The following PCDHB8 variants were observed in gnomAD, a reference collection of about 807,000 sequenced individuals.
The protein encoded by PCDHB8 is protocadherin beta-8.
For missense variants in PCDHB8, 836 were observed against 1,004.0 expected (o/e 0.83, Z 2.26); for synonymous variants, 385 against 448.5 (o/e 0.86, Z 1.79).
rs1262748783 is a variant in PCDHB8 at position 141,177,952 on chromosome 5, T to A, written c.-83T>A. 6.2e-7 allele frequency: 1 copy of A among 1,601,560 alleles called. No homozygotes were observed. The highest frequency in any genetic ancestry group is 8.5e-7 in the Non-Finnish European group (1 of 1,172,534). On this transcript the variant is annotated 5_prime_UTR_variant, in exon 1 of 1. Coordinates refer to ENST00000239444, the MANE Select transcript of PCDHB8 (RefSeq NM_019120.5). The stretch of plus-strand genomic sequence containing the variant: ...CTCACTGGCATATTTCTGAGGTATC[T>A]GTAGAAAACCACAGCCTCAGATACT...
In PCDHB8 at chr5:141,178,933, G is replaced by A. The variant is rs1449090542; in HGVS notation, c.899G>A (p.Gly300Glu). The change falls in exon 1 of 1, where the codon GGA becomes GAA. Residue 300 changes from glycine to glutamate, a missense_variant. Transcript: ENST00000239444. ...SKTFKVDFLT[G>E]EIRLKKQLDF... ...ACTTTTAAGGTCGATTTCTTGACAG[G>A]AGAAATTCGACTAAAGAAACAACTT... is the stretch of plus-strand genomic sequence containing the variant. 2.5e-6 allele frequency: 4 copies of A among 1,614,240 alleles called. No individual in the cohort carries two copies. Among genetic ancestry groups the A allele is most frequent in the African/African-American group, 1.3e-5 (1 of 75,052 alleles).
rs1554281050 is a variant in PCDHB8, at chr5:141,178,931, A to G, written c.897A>G (p.Thr299=). The G allele has an allele frequency of 3.1e-6, 5 of 1,614,138 alleles. No individual in the cohort carries two copies. The highest frequency in any genetic ancestry group is 1.3e-5 in the African/African-American group (1 of 74,944). ...AAACTTTTAAGGTCGATTTCTTGAC[A>G]GGAGAAATTCGACTAAAGAAACAAC... ...ISKTFKVDFL[T]GEIRLKKQLD... Residue 299 remains threonine, a synonymous_variant, in exon 1 of 1, where the codon ACA becomes ACG. Coordinates refer to ENST00000239444, the MANE Select transcript of PCDHB8 (RefSeq NM_019120.5).
In PCDHB8 at chr5:141,179,126, T is replaced by G; in HGVS notation, c.1092T>G (p.Thr364=). Residue 364 remains threonine (T), a synonymous_variant, in exon 1 of 1, where the codon ACT becomes ACG. Coordinates refer to ENST00000239444, the MANE Select transcript of PCDHB8 (RefSeq NM_019120.5). ...TSPIPENAPE[T]VVALFSVSDL... ...CAATACCTGAGAATGCGCCTGAAACTGTGGTTGCACTTTTCAGTGTTTCAG... is the reference window on the plus strand; with the variant it reads ...CAATACCTGAGAATGCGCCTGAAACGGTGGTTGCACTTTTCAGTGTTTCAG... 1 of 1,614,224 alleles carries G rather than the reference T, an allele frequency of 6.2e-7. No individual in the cohort carries two copies. Among genetic ancestry groups the G allele is most frequent in the South Asian group, 1.1e-5 (1 of 91,084 alleles).
Position 141,178,967 on chromosome 5 carries a change from A to G in PCDHB8, c.933A>G (p.Glu311=). Residue 311 remains glutamate (E), a synonymous_variant, in exon 1 of 1, where the codon GAA becomes GAG. Coordinates refer to ENST00000239444, the MANE Select transcript of PCDHB8 (RefSeq NM_019120.5). The part of the protein sequence containing the change: ...EIRLKKQLDF[E]KFQSYEVNIE... The stretch of plus-strand genomic sequence containing the variant: ...GACTAAAGAAACAACTTGATTTCGA[A>G]AAATTTCAGTCCTATGAAGTCAATA... 6 of 1,614,246 alleles carry G rather than the reference A, an allele frequency of 3.7e-6. No individual in the cohort carries two copies. Among genetic ancestry groups the G allele is most frequent in the Non-Finnish European group, 4.2e-6 (5 of 1,180,048 alleles).
chr5:141,178,857 A>G lies in PCDHB8; in HGVS notation c.823A>G (p.Asn275Asp). Residue 275 changes from asparagine to aspartate, a missense_variant, in exon 1 of 1, where the codon AAC becomes GAC. Transcript: ENST00000239444. The part of the protein sequence containing the change: ...VSATDVDTGV[N>D]GEISYSLFQA... ...TGCCACGGATGTAGACACAGGAGTC[A>G]ACGGAGAGATTTCCTATTCACTTTT... 1 of 1,614,284 alleles carries G rather than the reference A, an allele frequency of 6.2e-7. No homozygotes were observed. The highest frequency in any genetic ancestry group is 8.5e-7 in the Non-Finnish European group (1 of 1,180,056).
At position 141,179,787 on chromosome 5, in the gene PCDHB8, T is replaced by C. The variant is rs782024596; in HGVS notation, c.1753T>C (p.Tyr585His). 2 of 1,610,658 alleles carry C rather than the reference T, an allele frequency of 1.2e-6. No homozygotes were observed. The highest frequency in any genetic ancestry group is 2.7e-5 in the African/African-American group (2 of 74,872). Residue 585 changes from tyrosine to histidine, a missense_variant, in exon 1 of 1, where the codon TAC becomes CAC. Transcript: ENST00000239444. ...GGTGCCCCGGGCGGCCGAGCCGGGC[T>C]ACCTGGTGACCAAGGTGGTGGCGGT... ...ELVPRAAEPGYLVTKVVAVDG... is the reference protein window; with the variant it reads ...ELVPRAAEPGHLVTKVVAVDG...
In PCDHB8 at chr5:141,178,641, C is replaced by T. The variant is rs1753443323; in HGVS notation, c.607C>T (p.Arg203Ter). The change falls in exon 1 of 1, where the codon CGA (arginine) becomes TGA (stop). Residue 203 changes from arginine (R) to a stop codon, truncating the protein, a stop_gained. Coordinates refer to ENST00000239444, the MANE Select transcript of PCDHB8 (RefSeq NM_019120.5). LOFTEE classifies it low-confidence loss of function (END_TRUNC). Reference protein sequence around the residue: ...PELVLDKALDREEEAELRLTL... With the variant: ...PELVLDKALD ...GCTGGTGCTGGACAAAGCGCTGGAC[C>T]GAGAGGAAGAAGCTGAGCTCAGGTT... 3.1e-6 allele frequency: 5 copies of T among 1,612,916 alleles called. No individual in the cohort carries two copies. The highest frequency in any genetic ancestry group is 2.2e-5 in the East Asian group (1 of 44,750).
chr5:141,179,981 C>T lies in PCDHB8; in HGVS notation c.1947C>T (p.Gly649=). ...TGGTGGTGCTGGTCAAGGACAATGG[C>T]GAGCCTCCGTGCTCGGCCACCGCCA... is the stretch of plus-strand genomic sequence containing the variant. ...QRLVVLVKDN[G]EPPCSATATL... Residue 649 remains glycine, a synonymous_variant, in exon 1 of 1, where the codon GGC becomes GGT. Coordinates refer to ENST00000239444, the MANE Select transcript of PCDHB8 (RefSeq NM_019120.5). 1.9e-6 allele frequency: 3 copies of T among 1,608,576 alleles called. No homozygotes were observed. Among genetic ancestry groups the T allele is most frequent in the Non-Finnish European group, 2.5e-6 (3 of 1,179,692 alleles).
rs35245446 is a variant in PCDHB8, at chr5:141,180,310, G to A, written c.2276G>A (p.Gly759Asp). The A allele has an allele frequency of 6.2e-7, 1 of 1,613,920 alleles. No homozygotes were observed. The highest frequency in any genetic ancestry group is 8.5e-7 in the Non-Finnish European group (1 of 1,179,980). Residue 759 changes from glycine to aspartate, a missense_variant, in exon 1 of 1, where the codon GGC (glycine) becomes GAC (aspartate). Coordinates refer to ENST00000239444, the MANE Select transcript of PCDHB8 (RefSeq NM_019120.5). ...NYQYEVCLAGGSGTNEFQLLK... is the reference protein window; with the variant it reads ...NYQYEVCLAGDSGTNEFQLLK... ...CAGTACGAGGTGTGCCTGGCAGGAG[G>A]CTCAGGGACGAATGAGTTCCAGCTC...
At position 141,180,080 on chromosome 5, in the gene PCDHB8, C is replaced by G. The variant is rs782704020; in HGVS notation, c.2046C>G (p.Gly682=). The change falls in exon 1 of 1, where the codon GGC becomes GGG. Residue 682 remains glycine (G), a synonymous_variant. Coordinates refer to ENST00000239444, the MANE Select transcript of PCDHB8 (RefSeq NM_019120.5). ...TTCCGGAGGCTGCCCCAGCCCAGGG[C>G]CAGGCCGACTCTCTCACCGTCTACC... ...LPLPEAAPAQ[G]QADSLTVYLV... 1 of 1,609,972 alleles carries G rather than the reference C, an allele frequency of 6.2e-7. No individual in the cohort carries two copies.
In PCDHB8 at chr5:141,178,489, C is replaced by T. The variant is rs17844484; in HGVS notation, c.455C>T (p.Ala152Val). 43 of 1,614,136 alleles carry T rather than the reference C, an allele frequency of 2.7e-5. No homozygotes were observed. The East Asian group carries it at 9.6e-4, about 36-fold the overall frequency. ...KVSESSPPGT[A>V]FPLKNAEDLD... ...TCAGAGAGCAGTCCTCCTGGGACTGCGTTTCCTCTGAAGAATGCTGAAGAC... is the reference window on the plus strand; with the variant it reads ...TCAGAGAGCAGTCCTCCTGGGACTGTGTTTCCTCTGAAGAATGCTGAAGAC... The change falls in exon 1 of 1, where the codon GCG becomes GTG. Residue 152 changes from alanine (A) to valine (V), a missense_variant. By Grantham distance (64) the Ala-to-Val change is moderately conservative. Transcript: ENST00000239444.
Position 141,180,332 on chromosome 5 carries a change from G to A in PCDHB8, c.2298G>A (p.Gln766=). Residue 766 remains glutamine, a synonymous_variant, in exon 1 of 1, where the codon CAG becomes CAA. Transcript: ENST00000239444. The part of the protein sequence containing the change: ...LAGGSGTNEF[Q]LLKPVLPNIQ... ...GAGGCTCAGGGACGAATGAGTTCCA[G>A]CTCCTGAAACCAGTATTACCTAATA... The A allele has an allele frequency of 6.2e-7, 1 of 1,614,070 alleles. No individual in the cohort carries two copies. Among genetic ancestry groups the A allele is most frequent in the Non-Finnish European group, 8.5e-7 (1 of 1,179,964 alleles).
rs1554281682 is a variant in PCDHB8, at chr5:141,180,282, T to G, written c.2248T>G (p.Tyr750Asp). The G allele has an allele frequency of 6.2e-7, 1 of 1,613,976 alleles. No homozygotes were observed. Among genetic ancestry groups the G allele is most frequent in the South Asian group, 1.1e-5 (1 of 91,060 alleles). ...GGGCACCGGGAGCCTGTCTCAGAAC[T>G]ATCAGTACGAGGTGTGCCTGGCAGG... Reference protein sequence around the residue: ...VRGTGSLSQNYQYEVCLAGGS... With the variant: ...VRGTGSLSQNDQYEVCLAGGS... The change falls in exon 1 of 1, where the codon TAT (tyrosine) becomes GAT (aspartate). Residue 750 changes from tyrosine (Y) to aspartate (D), a missense_variant. By Grantham distance (160) the Tyr-to-Asp change is radical. Transcript: ENST00000239444.
chr5:141,179,020 C>G lies in PCDHB8; in HGVS notation c.986C>G (p.Ser329Cys). ...GAGGCGAGAGATGCTGGAGGCTTTT[C>G]TGGAAAATGCACCGTTCTGATTCAA... ...NIEARDAGGF[S>C]GKCTVLIQVI... The change falls in exon 1 of 1, where the codon TCT (serine) becomes TGT (cysteine). Residue 329 changes from serine to cysteine, a missense_variant. Transcript: ENST00000239444. 6.2e-7 allele frequency: 1 copy of G among 1,614,220 alleles called. No homozygotes were observed. The highest frequency in any genetic ancestry group is 1.3e-5 in the African/African-American group (1 of 75,054).
In PCDHB8 at chr5:141,178,425, T is replaced by C. The variant is rs782139225; in HGVS notation, c.391T>C (p.Ser131Pro). ...GCAAGTAATAGACATAAACGACCACTCTCCAGTATTTCTGGACAAACAAAT... is the reference window on the plus strand; with the variant it reads ...GCAAGTAATAGACATAAACGACCACCCTCCAGTATTTCTGGACAAACAAAT... ...ELQVIDINDH[S>P]PVFLDKQMLV... Residue 131 changes from serine to proline, a missense_variant, in exon 1 of 1, where the codon TCT (serine) becomes CCT (proline). Physicochemically the swap from Ser to Pro is moderately conservative, Grantham distance 74. Coordinates refer to ENST00000239444, the MANE Select transcript of PCDHB8 (RefSeq NM_019120.5). 13 of 1,612,338 alleles carry C rather than the reference T, an allele frequency of 8.1e-6. No individual in the cohort carries two copies. Among genetic ancestry groups the C allele is most frequent in the Non-Finnish European group, 1.0e-5 (12 of 1,178,994 alleles).
chr5:141,179,422 A>G lies in PCDHB8; in HGVS notation c.1388A>G (p.Glu463Gly). 2 of 1,614,174 alleles carry G rather than the reference A, an allele frequency of 1.2e-6. No individual in the cohort carries two copies. Among genetic ancestry groups the G allele is most frequent in the Non-Finnish European group, 8.5e-7 (1 of 1,180,042 alleles). Residue 463 changes from glutamate to glycine, a missense_variant, in exon 1 of 1, where the codon GAG (glutamate) becomes GGG (glycine). Glu to Gly is a moderately conservative substitution (Grantham distance 98). Coordinates refer to ENST00000239444, the MANE Select transcript of PCDHB8 (RefSeq NM_019120.5). ...TQTSYTLFVR[E>G]NNSPALHIGS... is the part of the protein sequence containing the mutation. ...ACCTCCTACACCCTGTTCGTCCGCG[A>G]GAACAACAGCCCCGCCCTGCACATC...
chr5:141,178,808 A>T lies in PCDHB8; in HGVS notation c.774A>T (p.Ile258=). The T allele has an allele frequency of 6.8e-6, 11 of 1,614,136 alleles. No individual in the cohort carries two copies. Among genetic ancestry groups the T allele is most frequent in the Non-Finnish European group, 9.3e-6 (11 of 1,180,026 alleles). Residue 258 remains isoleucine (I), a synonymous_variant, in exon 1 of 1, where the codon ATA becomes ATT. Coordinates refer to ENST00000239444, the MANE Select transcript of PCDHB8 (RefSeq NM_019120.5). ...TGCAGATCTCTGAGGACAGTCCAAT[A>T]AGCTTCCTGGTTGTGAAGGTCTCTG... ...YRVQISEDSP[I]SFLVVKVSAT...
Position 141,179,297 on chromosome 5 carries a change from T to A in PCDHB8, c.1263T>A (p.Thr421=), listed in dbSNP as rs782163599. The A allele has an allele frequency of 1.2e-6, 2 of 1,614,204 alleles. No individual in the cohort carries two copies. Among genetic ancestry groups the A allele is most frequent in the Non-Finnish European group, 1.7e-6 (2 of 1,180,026 alleles). The stretch of plus-strand genomic sequence containing the variant: ...AAAGCAGAGCCGAGTACAACGTCAC[T>A]ATCACCGTCACTGACTTAGGGACAC... ...DRESRAEYNV[T]ITVTDLGTPR... Residue 421 remains threonine, a synonymous_variant, in exon 1 of 1, where the codon ACT becomes ACA. Coordinates refer to ENST00000239444, the MANE Select transcript of PCDHB8 (RefSeq NM_019120.5).
rs1554281353 is a variant in PCDHB8, at chr5:141,179,736, A to T, written c.1702A>T (p.Asn568Tyr). Residue 568 changes from asparagine to tyrosine, a missense_variant, in exon 1 of 1, where the codon AAT becomes TAT. Transcript: ENST00000239444. The part of the protein sequence containing the change: ...NSPFVLYPLQ[N>Y]GSAPCTELVP... ...GCCCTTCGTGCTGTACCCGCTGCAG[A>T]ATGGCTCCGCGCCCTGCACCGAGCT... The T allele has an allele frequency of 6.2e-7, 1 of 1,611,692 alleles. No homozygotes were observed. Among genetic ancestry groups the T allele is most frequent in the East Asian group, 2.2e-5 (1 of 44,858 alleles).
Sources: gnomAD v4.1 joint callset for allele counts on GRCh38, gnomAD v4.1.1 for gene constraint, MANE v1.5 for transcripts, NCBI Gene and HGNC (gene_info 2026-07-23, HGNC 2026-07-21) for gene names.